Variants in UBE2N observed in about 807,000 individuals in gnomAD.
UBE2N encodes the protein ubiquitin conjugating enzyme E2 N, also known as ubiquitin-conjugating enzyme E2 N.
For missense variants in UBE2N, 60 were observed against 192.1 expected (o/e 0.31, Z 4.07); for synonymous variants, 70 against 69.2 (o/e 1.01, Z -0.06).
chr12:93,417,956 T>G (rs1034914236), intron 1 of UBE2N, among the ~76,000 whole-genome samples: 2 of 152,222 alleles, frequency 1.3e-5, no homozygotes, highest in East Asian at 3.8e-4. Context: ...AAGTTACTTA[T>G]GAGAATCTGC....
intron 1 of UBE2N, among the ~76,000 whole-genome samples, chr12:93,428,575 T>C (rs1878660967): frequency 6.6e-6 from 1 of 152,238 alleles, no homozygotes; most frequent in Admixed American, 6.5e-5. Flanking sequence ...TTGTCTCCCA[T>C]TCTACCCATC....
rs1175326269 is a variant in UBE2N at position 93,406,382 on chromosome 12, A to G, written c.*3657T>C. ...GATCCAATTTAGTTCCACTTAGGTCACTGTGTTTATAATGTCTTTTAGGAC... is the reference window on the plus strand; with the variant it reads ...GATCCAATTTAGTTCCACTTAGGTCGCTGTGTTTATAATGTCTTTTAGGAC... On this transcript the variant is annotated 3_prime_UTR_variant, in exon 4 of 4. Transcript: ENST00000318066. 5.3e-5 allele frequency: 8 copies of G among 149,992 alleles called. No homozygotes were observed. The highest frequency in any genetic ancestry group is 2.0e-4 in the African/African-American group (8 of 40,742). 9.3% of individuals were successfully genotyped at this position (149,992 alleles called of 1,614,324 possible).
chr12:93,418,874 A>T (rs1878306569), intron 1 of UBE2N, among the ~76,000 whole-genome samples: 2 of 152,222 alleles, frequency 1.3e-5, no homozygotes, highest in South Asian at 4.1e-4. Context: ...CCACTGTGCA[A>T]ATTACACTTG....
In UBE2N at chr12:93,410,203, C is replaced by A. The variant is rs1488243493; in HGVS notation, c.419-124G>T. 2.4e-5 allele frequency: 22 copies of A among 924,962 alleles called. No homozygotes were observed. The South Asian group carries it at 3.2e-4, about 14-fold the overall frequency. 57.3% of individuals were successfully genotyped at this position (924,962 alleles called of 1,614,324 possible). A position where few individuals can be genotyped will look rare whatever the true frequency, so the allele number is the denominator to read the frequency against. The stretch of plus-strand genomic sequence containing the variant: ...GTCATGCTGTAATCTGTTAAATTCA[C>A]GCCTTTTTCTATAAATTGGATCAGG... On this transcript the variant is annotated intron_variant, in intron 3 of 3. Coordinates refer to ENST00000318066, the MANE Select transcript of UBE2N (RefSeq NM_003348.4).
Position 93,432,089 on chromosome 12 carries a change from G to A in UBE2N, c.30+9766C>T, listed in dbSNP as rs997874291. Among the ~76,000 whole-genome samples the A allele has an allele frequency of 5.9e-5, 9 of 152,212 alleles. No individual in the cohort carries two copies. The South Asian group carries it at 6.2e-4, about 11-fold the overall frequency. On this transcript the variant is annotated intron_variant, in intron 1 of 3. Coordinates refer to ENST00000318066, the MANE Select transcript of UBE2N (RefSeq NM_003348.4). ...TCTACTAAAAATACCAAAATTAGCC[G>A]GGTGTGGTGGCGTGCACCTGTAATC... is the stretch of plus-strand genomic sequence containing the variant.
intron 1 of UBE2N, among the ~76,000 whole-genome samples, chr12:93,437,945 T>A (rs1460530037): frequency 6.6e-6 from 1 of 152,140 alleles, no homozygotes; most frequent in Admixed American, 6.5e-5. Flanking sequence ...ATAAGCAGAG[T>A]AGGCACACAA....
At chr12:93,439,146 G>C (rs1879023326) in intron 1 of UBE2N, among the ~76,000 whole-genome samples, 1 of 152,200 alleles carries the variant, frequency 6.6e-6, no homozygotes, top group South Asian at 2.1e-4. Context: ...CATTAGATGA[G>C]AATGCTAACA....
chr12:93,415,214 T>TA (rs550025423), intron 1 of UBE2N, among the ~76,000 whole-genome samples: 8 of 150,728 alleles, frequency 5.3e-5, no homozygotes, highest in South Asian at 4.2e-4. Context: ...TGCCTTCACC[T>TA]AAAAAAAAAT....
At chr12:93,441,744 T>C in intron 1 of UBE2N, 111 bp downstream of exon 1, 1 of 1,446,532 alleles carries the variant, frequency 6.9e-7, no homozygotes, top group South Asian at 1.3e-5. Flanking sequence ...CCGCGCCGCC[T>C]CGGGCCTCCC....
intron 1 of UBE2N, among the ~76,000 whole-genome samples, chr12:93,435,298 C>T (rs1314816032): frequency 6.6e-6 from 1 of 152,082 alleles, no homozygotes; most frequent in Non-Finnish European, 1.5e-5. Context: ...CATGGTGAAA[C>T]CCTGCCTCTA....
chr12:93,415,806 G>C (rs1878188547), intron 1 of UBE2N, among the ~76,000 whole-genome samples: 1 of 152,130 alleles, frequency 6.6e-6, no homozygotes, highest in Non-Finnish European at 1.5e-5. Context: ...GTTACACAAA[G>C]TAGTAGCAGC....
intron 1 of UBE2N, among the ~76,000 whole-genome samples, chr12:93,418,767 A>G (rs1388991697): frequency 6.6e-6 from 1 of 152,252 alleles, no homozygotes; most frequent in Non-Finnish European, 1.5e-5. Flanking sequence ...ATTAATTTTA[A>G]TATATTTTAT....
chr12:93,433,425 G>A (rs1592750516), intron 1 of UBE2N, among the ~76,000 whole-genome samples: 2 of 152,068 alleles, frequency 1.3e-5, no homozygotes, highest in Non-Finnish European at 2.9e-5. Flanking sequence ...AATTTTAAAA[G>A]CTGCTAAGAT....
At chr12:93,411,368 A>C in intron 1 of UBE2N, 69 bp from the exon 2 acceptor site, 1 of 1,532,190 alleles carries the variant, frequency 6.5e-7, no homozygotes. Flanking sequence ...GTAAAATTAG[A>C]AAGTTCATCT....
intron 1 of UBE2N, among the ~76,000 whole-genome samples, chr12:93,423,392 G>A (rs546372578): frequency 6.6e-6 from 1 of 152,276 alleles, no homozygotes; most frequent in East Asian, 1.9e-4. Context: ...GAGGGGGTTG[G>A]GGGCTGGTAA....
chr12:93,414,318 G>T lies in UBE2N; in HGVS notation c.31-3019C>A, dbSNP rs567659536. Among the ~76,000 whole-genome samples, 4 of 145,716 alleles carry T rather than the reference G, an allele frequency of 2.7e-5. No individual in the cohort carries two copies. In the East Asian group the frequency reaches 8.2e-4, roughly 30 times the overall value. Reference sequence around the variant, plus strand: ...TATAAAATTAGCTAGGCATGGTGGCGCATGCCTGTAATCCCAGCTACTTGG... The same window carrying T: ...TATAAAATTAGCTAGGCATGGTGGCTCATGCCTGTAATCCCAGCTACTTGG... On this transcript the variant is annotated intron_variant, in intron 1 of 3. Coordinates refer to ENST00000318066, the MANE Select transcript of UBE2N (RefSeq NM_003348.4).
intron 1 of UBE2N, among the ~76,000 whole-genome samples, chr12:93,431,858 A>G (rs925289042): frequency 4.6e-5 from 7 of 152,246 alleles, no homozygotes; most frequent in Non-Finnish European, 1.0e-4. Context: ...TCCAGCTTTC[A>G]TATCTGCTGC....
Position 93,425,947 on chromosome 12 carries a change from T to C in UBE2N, c.31-14648A>G, listed in dbSNP as rs920982837. On this transcript the variant is annotated intron_variant, in intron 1 of 3. Coordinates refer to ENST00000318066, the MANE Select transcript of UBE2N (RefSeq NM_003348.4). ...CCTCAATAATCACGAGTTGACATAT[T>C]AAAGATGATTCTTTCCCCTACCTCA... 3.3e-5 allele frequency among the ~76,000 whole-genome samples: 5 copies of C among 152,304 alleles called. No homozygotes were observed. In the East Asian group the frequency reaches 9.6e-4, roughly 29 times the overall value.
chr12:93,409,882 T>C lies in UBE2N; in HGVS notation c.*157A>G, dbSNP rs185386395. The C allele has an allele frequency of 4.1e-5, 29 of 700,604 alleles. No homozygotes were observed. Among genetic ancestry groups the C allele is most frequent in the Non-Finnish European group, 6.5e-5 (26 of 399,502 alleles). The allele number at this position is 700,604 out of a possible 1,614,324, so 43.4% of individuals were successfully genotyped here. A position where few individuals can be genotyped will look rare whatever the true frequency, so the allele number is the denominator to read the frequency against. On this transcript the variant is annotated 3_prime_UTR_variant, in exon 4 of 4. Coordinates refer to ENST00000318066, the MANE Select transcript of UBE2N (RefSeq NM_003348.4). ...TATGACAGTGAATCAGGACAAGACATAGATTTGCTAATGTGCATTTAATCA... is the reference window on the plus strand; with the variant it reads ...TATGACAGTGAATCAGGACAAGACACAGATTTGCTAATGTGCATTTAATCA...
Sources: allele counts gnomAD v4.1 joint callset (sites outside exome capture counted in the v4.1 genomes callset), GRCh38; gene constraint gnomAD v4.1.1; transcripts MANE v1.5; gene names NCBI Gene and HGNC (gene_info 2026-07-23, HGNC 2026-07-21).